Variants in FRMD5 observed in about 807,000 individuals in gnomAD.
FRMD5 encodes the protein FERM domain containing 5.
A neutral mutation model predicts 69.0 loss-of-function variants in FRMD5; 20 were observed. That is an observed-to-expected ratio of 0.29 (90% confidence interval 0.20 to 0.42). The LOEUF (loss-of-function observed/expected upper bound fraction) is 0.42, where lower values mean the gene tolerates loss of function less well. Ranked by LOEUF, FRMD5 falls within the 10% of genes least tolerant of loss-of-function variation. The probability of loss-of-function intolerance (pLI) is 1.00; values close to 1 mark genes in which losing one functional copy is unlikely to be tolerated. For missense variants in FRMD5, 595 were observed against 708.6 expected, an observed-to-expected ratio of 0.84 and a Z score of 1.82; for synonymous variants, 271 against 260.1, an observed-to-expected ratio of 1.04 and a Z score of -0.40.
intron 1 of FRMD5, among the ~76,000 whole-genome samples, chr15:44,042,659 C>A (rs1165919318): frequency 6.6e-6 from 1 of 152,208 alleles, no homozygotes; most frequent in Admixed American, 6.5e-5. Context: ...ATCACATAAA[C>A]AGAACCAATA....
chr15:44,148,429 G>A (rs958090853), intron 1 of FRMD5, among the ~76,000 whole-genome samples: 2 of 152,144 alleles, frequency 1.3e-5, no homozygotes, highest in African/African-American at 4.8e-5. Flanking sequence ...CCGCCACAAC[G>A]CCCGGCTAAT....
chr15:43,909,544 A>C (rs1467333247), intron 5 of FRMD5, among the ~76,000 whole-genome samples: 1 of 150,856 alleles, frequency 6.6e-6, no homozygotes, highest in African/African-American at 2.4e-5. Context: ...GCAGTGGTGC[A>C]ATCTCGGCTC....
intron 13 of FRMD5, among the ~76,000 whole-genome samples, chr15:43,882,074 C>T (rs974106405): frequency 1.3e-5 from 2 of 152,158 alleles, no homozygotes; most frequent in Non-Finnish European, 1.5e-5. Context: ...ACACCATCTT[C>T]GGGAATGAAA....
At chr15:44,057,117 T>C (rs769518591) in intron 1 of FRMD5, among the ~76,000 whole-genome samples, 7 of 147,142 alleles carry the variant, frequency 4.8e-5, no homozygotes, top group South Asian at 2.2e-4. Flanking sequence ...CTCTCCCTCT[T>C]TGCTCTTATG....
intron 1 of FRMD5, among the ~76,000 whole-genome samples, chr15:43,943,952 T>C (rs1284803989): frequency 6.6e-6 from 1 of 152,216 alleles, no homozygotes; most frequent in African/African-American, 2.4e-5. Flanking sequence ...AATCTGGCCA[T>C]TGTGACCCCT....
chr15:44,177,143 C>A (rs2077912791), intron 1 of FRMD5, among the ~76,000 whole-genome samples: 1 of 152,020 alleles, frequency 6.6e-6, no homozygotes, highest in Non-Finnish European at 1.5e-5. Flanking sequence ...AATTACCACA[C>A]AATCCAGCAA....
intron 1 of FRMD5, among the ~76,000 whole-genome samples, chr15:44,133,692 A>T (rs2077139498): frequency 6.6e-6 from 1 of 152,062 alleles, no homozygotes; most frequent in Non-Finnish European, 1.5e-5. Flanking sequence ...GCTAAATAGA[A>T]CTTAATTCTG....
intron 1 of FRMD5, among the ~76,000 whole-genome samples, chr15:44,095,379 A>T (rs191286857): frequency 1.1e-4 from 17 of 151,974 alleles, no homozygotes; most frequent in African/African-American, 3.9e-4. Flanking sequence ...ATTTTTAAAA[A>T]TTTTTTGTAG....
At chr15:44,128,859 C>A (rs1595497600) in intron 1 of FRMD5, among the ~76,000 whole-genome samples, 1 of 151,182 alleles carries the variant, frequency 6.6e-6, no homozygotes, top group African/African-American at 2.4e-5. Context: ...GAAAAAAAAA[C>A]AACACAGAAT....
chr15:43,883,559 A>C, intron 13 of FRMD5, 144 bp downstream of exon 13: 1 of 614,428 alleles, frequency 1.6e-6, no homozygotes, highest in Non-Finnish European at 2.9e-6. Context: ...ATTCCCATCC[A>C]CTGGATAAAA....
intron 1 of FRMD5, among the ~76,000 whole-genome samples, chr15:44,109,011 AAAAT>A (rs1334171819): frequency 1.5e-4 from 22 of 148,360 alleles, no homozygotes; most frequent in African/African-American, 5.2e-4. Context: ...AAAATAAAAT[AAAAT>A]AAAATGTTTG....
chr15:43,922,959 T>G (rs59986202), intron 2 of FRMD5, among the ~76,000 whole-genome samples: 4,078 of 152,260 alleles, frequency 0.027, 168 homozygotes, highest in African/African-American at 0.093. Context: ...CATGAGCCAG[T>G]GCACACAGCC....
chr15:43,972,033 TA>T (rs1043878663), intron 1 of FRMD5, among the ~76,000 whole-genome samples: 8 of 146,718 alleles, frequency 5.5e-5, no homozygotes, highest in African/African-American at 1.7e-4. Flanking sequence ...TCATCTCTAT[TA>T]AAAAAATATA....
chr15:44,087,696 A>G (rs1595707958), intron 1 of FRMD5, among the ~76,000 whole-genome samples: 1 of 152,184 alleles, frequency 6.6e-6, no homozygotes, highest in Non-Finnish European at 1.5e-5. Context: ...TGCTTAGAAT[A>G]GTGCCTGAAG....
intron 1 of FRMD5, among the ~76,000 whole-genome samples, chr15:44,128,725 T>A (rs1327419064): frequency 6.6e-6 from 1 of 151,856 alleles, no homozygotes; most frequent in Non-Finnish European, 1.5e-5. Flanking sequence ...TCTTCTACCA[T>A]CCCCTCAACA....
chr15:43,875,295 A>G (rs1375359946), intron 13 of FRMD5, among the ~76,000 whole-genome samples: 2 of 148,664 alleles, frequency 1.3e-5, no homozygotes, highest in African/African-American at 5.0e-5. Flanking sequence ...AAGCTGCAGT[A>G]AACCAAGATC....
intron 1 of FRMD5, among the ~76,000 whole-genome samples, chr15:44,082,782 T>C (rs374584147): frequency 1.4e-4 from 21 of 152,052 alleles, no homozygotes; most frequent in African/African-American, 5.1e-4. Flanking sequence ...GGCTTGGGAA[T>C]GAAAGATAAG....
At chr15:43,926,065 G>T (rs2089579620) in intron 1 of FRMD5, among the ~76,000 whole-genome samples, 1 of 152,174 alleles carries the variant, frequency 6.6e-6, no homozygotes, top group African/African-American at 2.4e-5. Flanking sequence ...TGCATGGCAG[G>T]CAGGTCCTCA....
chr15:43,941,756 G>A (rs913310917), intron 1 of FRMD5, among the ~76,000 whole-genome samples: 2 of 151,988 alleles, frequency 1.3e-5, no homozygotes, highest in Middle Eastern at 3.2e-3. Context: ...AACTAAGGGC[G>A]GGGGGGCGTT....
Sources: allele counts gnomAD v4.1 joint callset (sites outside exome capture counted in the v4.1 genomes callset), GRCh38; gene constraint gnomAD v4.1.1; transcripts MANE v1.5; gene names NCBI Gene and HGNC (gene_info 2026-07-23, HGNC 2026-07-21).